The following ZNF154 variants were observed in gnomAD, a reference collection of about 807,000 sequenced individuals.
ZNF154 encodes zinc finger protein 154 (pHZ-92).
In ZNF154, 6 loss-of-function variants were observed where a neutral mutation model predicts 7.5. The ratio of observed to expected loss-of-function variants is 0.80; its 90% CI spans 0.44 to 1.57. The LOEUF (loss-of-function observed/expected upper bound fraction) is 1.57, where lower values mean the gene tolerates loss of function less well. ZNF154 is among the 40% of genes most tolerant of loss of function. ZNF154 has a pLI of 0.01. For synonymous variants in ZNF154, 187 were observed against 185.9 expected, an observed-to-expected ratio of 1.01 and a Z score of -0.05; for missense variants, 485 against 531.4, an observed-to-expected ratio of 0.91 and a Z score of 0.86.
At chr19:57,702,922 C>CT in intron 2 of ZNF154, 134 bp from the exon 3 acceptor site, 1 of 836,198 alleles carries the variant, frequency 1.2e-6, no homozygotes. Context: ...GGTGGGCCTT[C>CT]TAGGGAGAAA....
intron 2 of ZNF154, among the ~76,000 whole-genome samples, chr19:57,703,429 G>A (rs528182784): frequency 9.6e-4 from 138 of 143,866 alleles, no homozygotes; most frequent in African/African-American, 3.5e-3. Flanking sequence ...AGGTTGCAGC[G>A]AGCCAAGATT....
intron 1 of ZNF154, among the ~76,000 whole-genome samples, chr19:57,707,489 C>G (rs1000965705): frequency 6.6e-6 from 1 of 152,176 alleles, no homozygotes; most frequent in Admixed American, 6.5e-5. Flanking sequence ...ATCAATGACT[C>G]TGGTCCATTA....
intron 2 of ZNF154, among the ~76,000 whole-genome samples, 192 bp from the exon 3 acceptor site, chr19:57,702,980 C>T (rs1310183326): frequency 6.6e-6 from 1 of 152,144 alleles, no homozygotes; most frequent in Non-Finnish European, 1.5e-5. Context: ...TAAAGAAATG[C>T]TCTTGTCAGA....
rs1985107010 is a variant in ZNF154 at position 57,701,042 on chromosome 19, C to T, written c.*593G>A. On this transcript the variant is annotated 3_prime_UTR_variant, in exon 3 of 3. Coordinates refer to ENST00000684351, the MANE Select transcript of ZNF154 (RefSeq NM_001085384.3). ...AGTTGGTGATTTGAAGGCTGGCAAA[C>T]TCTATCAAGAGTCATGTGAGACCAA... 6.5e-6 allele frequency: 1 copy of T among 153,130 alleles called. No individual in the cohort carries two copies. Among genetic ancestry groups the T allele is most frequent in the Non-Finnish European group, 1.5e-5 (1 of 68,870 alleles). 9.5% of individuals were successfully genotyped at this position (153,130 alleles called of 1,614,324 possible).
chr19:57,700,704 C>A lies in ZNF154; in HGVS notation c.*931G>T, dbSNP rs1353938690. On this transcript the variant is annotated 3_prime_UTR_variant, in exon 3 of 3. Transcript: ENST00000684351. Reference sequence around the variant, plus strand: ...TCAAAGGATGTCAAGTAACTGCTGCCTCCTCAGGCTGACCTCTATGGCATC... The same window carrying A: ...TCAAAGGATGTCAAGTAACTGCTGCATCCTCAGGCTGACCTCTATGGCATC... 6.6e-6 allele frequency: 1 copy of A among 152,238 alleles called. No individual in the cohort carries two copies. Among genetic ancestry groups the A allele is most frequent in the African/African-American group, 2.4e-5 (1 of 41,438 alleles). 9.4% of individuals were successfully genotyped at this position (152,238 alleles called of 1,614,324 possible).
In ZNF154 at chr19:57,704,819, G is replaced by A. The variant is rs760448344; in HGVS notation, c.160+34C>T. ...GAGAAAAGAGGAAGGGCACAGACTA[G>A]CTCAGGGCACAGGAAAGGGTAAAAG... On this transcript the variant is annotated intron_variant, in intron 2 of 2. Transcript: ENST00000684351. 6.2e-6 allele frequency: 10 copies of A among 1,604,118 alleles called. No homozygotes were observed. The South Asian group carries it at 1.1e-4, about 18-fold the overall frequency.
intron 2 of ZNF154, among the ~76,000 whole-genome samples, chr19:57,704,243 C>A (rs1205937054): frequency 6.6e-6 from 1 of 152,070 alleles, no homozygotes; most frequent in Non-Finnish European, 1.5e-5. Flanking sequence ...GGCATTGGCA[C>A]CAAAATGCTC....
rs997909775 is a variant in ZNF154, at chr19:57,696,572, C to A, written c.*5063G>T. Among the ~76,000 whole-genome samples, 2 of 152,120 alleles carry A rather than the reference C, an allele frequency of 1.3e-5. No individual in the cohort carries two copies. The highest frequency in any genetic ancestry group is 2.4e-5 in the African/African-American group (1 of 41,402). On this transcript the variant is annotated 3_prime_UTR_variant, in exon 3 of 3. Transcript: ENST00000684351. ...CCCAGGCAGCAGAGGGAGCAGAGGG[C>A]CTGGGGCAGCCAGGCACCGGAAGTG... is the stretch of plus-strand genomic sequence containing the variant.
chr19:57,703,095 G>A (rs1181605052), intron 2 of ZNF154, among the ~76,000 whole-genome samples: 2 of 152,242 alleles, frequency 1.3e-5, no homozygotes, highest in Non-Finnish European at 2.9e-5. Flanking sequence ...ATACAAGTGT[G>A]TGTATGACAA....
rs1272181019 is a variant in ZNF154, at chr19:57,697,868, T to C, written c.*3767A>G. 1 of 152,174 alleles carries C rather than the reference T, an allele frequency of 6.6e-6. No homozygotes were observed. The highest frequency in any genetic ancestry group is 2.1e-4 in the South Asian group (1 of 4,834). 9.4% of individuals were successfully genotyped at this position (152,174 alleles called of 1,614,324 possible). A position where few individuals can be genotyped will look rare whatever the true frequency, so the allele number is the denominator to read the frequency against. On this transcript the variant is annotated 3_prime_UTR_variant, in exon 3 of 3. Coordinates refer to ENST00000684351, the MANE Select transcript of ZNF154 (RefSeq NM_001085384.3). ...TGTAACAGGAGACAAAATATGTCATTGTACCAGTAATTTTACACAATGAAA... is the reference window on the plus strand; with the variant it reads ...TGTAACAGGAGACAAAATATGTCATCGTACCAGTAATTTTACACAATGAAA...
At chr19:57,708,781 A>G (rs140325521) in intron 1 of ZNF154, among the ~76,000 whole-genome samples, 158 bp downstream of exon 1, 138 of 152,006 alleles carry the variant, frequency 9.1e-4, no homozygotes, top group African/African-American at 2.5e-3. Flanking sequence ...ACGCTCTCCC[A>G]CACCTCGTCA....
At position 57,700,196 on chromosome 19, in the gene ZNF154, CTGA is replaced by C. The variant is rs918371963; in HGVS notation, c.*1436_*1438del. ...AGTGAACAGTGAAGGCCATTTCCAC[CTGA>C]CTCAACAGAAATGTTGGCTGGATCA... On this transcript the variant is annotated 3_prime_UTR_variant, in exon 3 of 3. Coordinates refer to ENST00000684351, the MANE Select transcript of ZNF154 (RefSeq NM_001085384.3). 1.3e-5 allele frequency: 2 copies of C among 152,168 alleles called. No individual in the cohort carries two copies. Among genetic ancestry groups the C allele is most frequent in the African/African-American group, 4.8e-5 (2 of 41,436 alleles). 9.4% of individuals were successfully genotyped at this position (152,168 alleles called of 1,614,324 possible).
rs765684271 is a variant in ZNF154, at chr19:57,702,146, G to A, written c.803C>T (p.Thr268Ile). The stretch of plus-strand genomic sequence containing the variant: ...ACTGCACTCATAAGGCCTCTCCCCA[G>A]TGTGAACTCCCCGATGTTGAAGGAG... ...SALLQHRGVH[T>I]GERPYECSEC... Residue 268 changes from threonine to isoleucine, a missense_variant, in exon 3 of 3, where the codon ACT becomes ATT. By Grantham distance (89) the Thr-to-Ile change is moderately conservative. Transcript: ENST00000684351. The A allele has an allele frequency of 6.2e-7, 1 of 1,613,414 alleles. No individual in the cohort carries two copies.
At position 57,701,638 on chromosome 19, in the gene ZNF154, T is replaced by C; in HGVS notation, c.1311A>G (p.Arg437=). ...ACATTTGCCACTCATAAGGCTTTTA[T>C]CGACTATGAATTCTCTGATGTTTAA... is the stretch of plus-strand genomic sequence containing the variant. ...SLIKHQRIHS[R] The change falls in exon 3 of 3, where the codon CGA becomes CGG. Residue 437 remains arginine, a synonymous_variant. Transcript: ENST00000684351. The C allele has an allele frequency of 6.2e-7, 1 of 1,610,034 alleles. No individual in the cohort carries two copies.
At chr19:57,705,242 C>G (rs1985338714) in intron 1 of ZNF154, among the ~76,000 whole-genome samples, 2 of 152,158 alleles carry the variant, frequency 1.3e-5, no homozygotes, top group Non-Finnish European at 1.5e-5. Flanking sequence ...TACTCCCTTT[C>G]CAGATGCACA....
In ZNF154 at chr19:57,702,396, C is replaced by T; in HGVS notation, c.553G>A (p.Gly185Arg). ...TCTCGACATTCATAAGGCTTTTCTCCAGTGTGAAGTCTCCAATGGTCATTG... is the reference window on the plus strand; with the variant it reads ...TCTCGACATTCATAAGGCTTTTCTCTAGTGTGAAGTCTCCAATGGTCATTG... ...SLNDHWRLHTGEKPYECRECG... is the reference protein window; with the variant it reads ...SLNDHWRLHTREKPYECRECG... Residue 185 changes from glycine to arginine, a missense_variant, in exon 3 of 3, where the codon GGA becomes AGA. Physicochemically the swap from Gly to Arg is moderately radical, Grantham distance 125. Coordinates refer to ENST00000684351, the MANE Select transcript of ZNF154 (RefSeq NM_001085384.3). 6.2e-7 allele frequency: 1 copy of T among 1,612,792 alleles called. No individual in the cohort carries two copies. The highest frequency in any genetic ancestry group is 8.5e-7 in the Non-Finnish European group (1 of 1,178,916).
intron 1 of ZNF154, among the ~76,000 whole-genome samples, chr19:57,708,601 G>A (rs1055562041): frequency 1.3e-5 from 2 of 152,020 alleles, no homozygotes; most frequent in Non-Finnish European, 2.9e-5. Context: ...CATAAATGGC[G>A]TCCCTCCTTT....
intron 1 of ZNF154, among the ~76,000 whole-genome samples, chr19:57,706,204 T>C (rs957458606): frequency 7.9e-5 from 12 of 152,178 alleles, no homozygotes. Context: ...GATCTAATAC[T>C]ACCCTAGATC....
At chr19:57,702,855 C>G in intron 2 of ZNF154, 67 bp from the exon 3 acceptor site, 1 of 1,484,118 alleles carries the variant, frequency 6.7e-7, no homozygotes, top group Non-Finnish European at 9.0e-7. Flanking sequence ...TGATGTGTCC[C>G]CTAGGGCCCA....
Sources: gnomAD v4.1 joint callset for allele counts (sites outside exome capture counted in the v4.1 genomes callset) on GRCh38, gnomAD v4.1.1 for gene constraint, MANE v1.5 for transcripts, NCBI Gene and HGNC (gene_info 2026-07-23, HGNC 2026-07-21) for gene names.